PAPOLA: variants seen among roughly 807,000 people sequenced by gnomAD.
The protein encoded by PAPOLA is polynucleotide adenylyltransferase alpha.
Under a neutral mutation model 100.6 loss-of-function variants are expected in PAPOLA, and 15 were observed. The ratio of observed to expected loss-of-function variants is 0.15; its 90% CI spans 0.10 to 0.23. The LOEUF (loss-of-function observed/expected upper bound fraction) is 0.23. PAPOLA is among the 10% of genes least tolerant of loss of function. PAPOLA has a pLI of 1.00. For missense variants in PAPOLA, 533 were observed against 884.2 expected, an observed-to-expected ratio of 0.60 and a Z score of 5.04; for synonymous variants, 293 against 300.0, an observed-to-expected ratio of 0.98 and a Z score of 0.24.
chr14:96,533,081 G>T (rs1899183728), intron 9 of PAPOLA: 1 of 976,966 alleles, frequency 1.0e-6, no homozygotes, highest in Non-Finnish European at 1.2e-6. Context: ...TAATATTAAA[G>T]ATACGAATTT....
intron 19 of PAPOLA, among the ~76,000 whole-genome samples, chr14:96,559,187 G>T (rs1041595845): frequency 1.3e-5 from 2 of 151,962 alleles, no homozygotes; most frequent in African/African-American, 2.4e-5. Context: ...GGCTTTTCCA[G>T]TTACGGATCT....
chr14:96,532,490 T>C (rs970769949), intron 8 of PAPOLA, 21 bp from the exon 9 acceptor site: 1 of 1,606,070 alleles, frequency 6.2e-7, no homozygotes, highest in Admixed American at 1.7e-5. Context: ...ACTTATCTTT[T>C]TGCTTTTCCC....
intron 3 of PAPOLA, among the ~76,000 whole-genome samples, chr14:96,522,504 G>A (rs888003951): frequency 2.6e-5 from 4 of 151,674 alleles, no homozygotes; most frequent in African/African-American, 4.8e-5. Context: ...TCCACCTCCC[G>A]GGCTCAGGCA....
chr14:96,510,559 T>C (rs1195726756), intron 1 of PAPOLA, among the ~76,000 whole-genome samples: 3 of 152,224 alleles, frequency 2.0e-5, no homozygotes, highest in Non-Finnish European at 2.9e-5. Context: ...ATTGTAGTAA[T>C]TGAACAGCAA....
At chr14:96,507,595 A>G (rs1173761854) in intron 1 of PAPOLA, among the ~76,000 whole-genome samples, 1 of 152,170 alleles carries the variant, frequency 6.6e-6, no homozygotes, top group African/African-American at 2.4e-5. Flanking sequence ...TTTTAAAGCT[A>G]TGTTAACATG....
In PAPOLA at chr14:96,522,589, G is replaced by A. The variant is rs1485842611; in HGVS notation, c.249+1517G>A. Among the ~76,000 whole-genome samples the A allele has an allele frequency of 3.3e-5, 5 of 152,012 alleles. No individual in the cohort carries two copies. The East Asian group carries it at 5.8e-4, about 18-fold the overall frequency. On this transcript the variant is annotated intron_variant, in intron 3 of 21. Transcript: ENST00000216277. Reference sequence around the variant, plus strand: ...CACCAAGCCTGGCTAATTTTTTGTAGCGATGGCTTTTCACCATGTTGCCTA... The same window carrying A: ...CACCAAGCCTGGCTAATTTTTTGTAACGATGGCTTTTCACCATGTTGCCTA...
At chr14:96,540,862 C>T (rs1330943817) in intron 12 of PAPOLA, among the ~76,000 whole-genome samples, 1 of 152,196 alleles carries the variant, frequency 6.6e-6, no homozygotes, top group African/African-American at 2.4e-5. Flanking sequence ...CCTAGGATTA[C>T]ATAGCTGTGA....
chr14:96,525,421 G>C lies in PAPOLA; in HGVS notation c.331+30G>C, dbSNP rs111281225. The stretch of plus-strand genomic sequence containing the variant: ...GTATTATTTCATTTTTCTTAGAAAG[G>C]GACCCTTTAGTTCTTAAAAATTATG... On this transcript the variant is annotated intron_variant, in intron 4 of 21. Transcript: ENST00000216277. The C allele has an allele frequency of 3.9e-4, 353 of 902,354 alleles. 2 individuals carry two copies. In the African/African-American group the frequency reaches 4.5e-3, roughly 11 times the overall value. The allele number at this position is 902,354 out of a possible 1,614,324, so 55.9% of individuals were successfully genotyped here.
At chr14:96,510,349 TTTATTAAATTTACA>T (rs1897027281) in intron 1 of PAPOLA, among the ~76,000 whole-genome samples, 1 of 152,226 alleles carries the variant, frequency 6.6e-6, no homozygotes, top group Admixed American at 6.5e-5. Context: ...TGTTTCATAC[TTTATTAAATTTACA>T]TTTCTTTCAT....
intron 9 of PAPOLA, 135 bp downstream of exon 9, chr14:96,532,784 T>C: frequency 7.2e-7 from 1 of 1,386,250 alleles, no homozygotes. Context: ...GCCTTGGAGA[T>C]CACATTGTGT....
At chr14:96,539,533 A>AT (rs1899806472) in intron 12 of PAPOLA, among the ~76,000 whole-genome samples, 2 of 152,132 alleles carry the variant, frequency 1.3e-5, no homozygotes, top group South Asian at 2.1e-4. Context: ...TTTGGGATAC[A>AT]TTTTTATAGT....
chr14:96,552,587 G>A lies in PAPOLA; in HGVS notation c.1629G>A (p.Lys543=). ...MSVPSPTSAT[K]TSPLNSSGSS... ...TGCCTTCACCTACTAGTGCTACGAA[G>A]ACCAGTCCATTGAACAGTTCTGGCA... Residue 543 remains lysine, a synonymous_variant, in exon 17 of 22, where the codon AAG becomes AAA. Coordinates refer to ENST00000216277, the MANE Select transcript of PAPOLA (RefSeq NM_032632.5). The A allele has an allele frequency of 6.2e-7, 1 of 1,614,072 alleles. No homozygotes were observed. The highest frequency in any genetic ancestry group is 8.5e-7 in the Non-Finnish European group (1 of 1,179,950).
At chr14:96,559,575 C>A (rs1248156489) in intron 19 of PAPOLA, among the ~76,000 whole-genome samples, 209 of 113,610 alleles carry the variant, frequency 1.8e-3, no homozygotes, top group South Asian at 2.6e-3. Context: ...CTCTCTCTCT[C>A]TCTCTCTATA....
chr14:96,550,066 T>C (rs1243781053), intron 16 of PAPOLA, among the ~76,000 whole-genome samples: 1 of 152,242 alleles, frequency 6.6e-6, no homozygotes, highest in East Asian at 1.9e-4. Context: ...GAAGATCATG[T>C]GTGCCCAATA....
At chr14:96,502,906 C>T (rs1304558509) in intron 1 of PAPOLA, 6 of 380,546 alleles carry the variant, frequency 1.6e-5, no homozygotes, top group East Asian at 3.9e-5. Context: ...TTCTCCGCCC[C>T]GTCCACAAAG....
At chr14:96,539,661 G>A (rs536325278) in intron 12 of PAPOLA, among the ~76,000 whole-genome samples, 128 of 152,260 alleles carry the variant, frequency 8.4e-4, no homozygotes, top group African/African-American at 3.0e-3. Flanking sequence ...GGAGGCACTT[G>A]CGCATCATAA....
chr14:96,509,574 T>C (rs2140228473), intron 1 of PAPOLA, among the ~76,000 whole-genome samples: 1 of 152,380 alleles, frequency 6.6e-6, no homozygotes, highest in South Asian at 2.1e-4. Context: ...TTTCAGATTT[T>C]ATTGTGGGAA....
chr14:96,520,253 T>A (rs1179378131), intron 2 of PAPOLA, 25 bp downstream of exon 2: 1 of 1,568,162 alleles, frequency 6.4e-7, no homozygotes, highest in East Asian at 2.2e-5. Context: ...TATATTTTTT[T>A]AACTCGGAAA....
intron 17 of PAPOLA, chr14:96,553,511 TAAAAAAAA>T (rs758321681): frequency 1.5e-5 from 2 of 130,310 alleles, no homozygotes; most frequent in Admixed American, 1.5e-4. Flanking sequence ...GACCCTGTCT[TAAAAAAAA>T]AAAAAAAAAA....
Sources: allele counts gnomAD v4.1 joint callset (sites outside exome capture counted in the v4.1 genomes callset), GRCh38; gene constraint gnomAD v4.1.1; transcripts MANE v1.5; gene names NCBI Gene and HGNC (gene_info 2026-07-23, HGNC 2026-07-21).